Variants in PIWIL3 observed in about 807,000 individuals in gnomAD.
PIWIL3 encodes piwi like RNA-mediated gene silencing 3.
Under a neutral mutation model 109.7 loss-of-function variants are expected in PIWIL3, and 101 were observed. That is an observed-to-expected ratio of 0.92 (90% confidence interval 0.78 to 1.09). The LOEUF is 1.09. Among genes scored for constraint, PIWIL3 ranks in the 50% least tolerant of loss-of-function variants. The probability of loss-of-function intolerance (pLI) is 0.00; values close to 1 mark genes in which losing one functional copy is unlikely to be tolerated. For synonymous variants in PIWIL3, 373 were observed against 376.4 expected, an observed-to-expected ratio of 0.99 and a Z score of 0.10; for missense variants, 1,031 against 1,072.6, an observed-to-expected ratio of 0.96 and a Z score of 0.54.
At chr22:24,767,359 A>G (rs1925853863) in intron 1 of PIWIL3, among the ~76,000 whole-genome samples, 1 of 145,544 alleles carries the variant, frequency 6.9e-6, no homozygotes, top group African/African-American at 2.6e-5. Context: ...AACATGGTGA[A>G]ACCCCGTCTC....
chr22:24,738,550 A>C (rs1322174098), intron 12 of PIWIL3, among the ~76,000 whole-genome samples: 1 of 152,260 alleles, frequency 6.6e-6, no homozygotes, highest in Non-Finnish European at 1.5e-5. Flanking sequence ...TTCAGCACAG[A>C]GACACAGAAA....
intron 12 of PIWIL3, among the ~76,000 whole-genome samples, chr22:24,743,953 C>T (rs1437683897): frequency 6.6e-6 from 1 of 151,706 alleles, no homozygotes; most frequent in Non-Finnish European, 1.5e-5. Context: ...ACAGTATTTG[C>T]AAACCTTATG....
intron 18 of PIWIL3, among the ~76,000 whole-genome samples, chr22:24,724,522 C>A (rs1922874242): frequency 6.6e-6 from 1 of 151,346 alleles, no homozygotes; most frequent in African/African-American, 2.4e-5. Context: ...GCAACCTCTG[C>A]CTCCCGGGTT....
intron 12 of PIWIL3, among the ~76,000 whole-genome samples, chr22:24,737,001 C>T (rs371817437): frequency 1.3e-5 from 2 of 152,294 alleles, no homozygotes; most frequent in South Asian, 4.1e-4. Flanking sequence ...ACAGTTTAGG[C>T]CACAAAGACT....
At chr22:24,745,928 A>G (rs1270210477) in intron 12 of PIWIL3, among the ~76,000 whole-genome samples, 1 of 152,136 alleles carries the variant, frequency 6.6e-6, no homozygotes, top group Non-Finnish European at 1.5e-5. Flanking sequence ...CAAAACCAGA[A>G]CAGACCAATA....
intron 12 of PIWIL3, among the ~76,000 whole-genome samples, chr22:24,739,293 CAA>C (rs1052488929): frequency 5.3e-5 from 8 of 152,064 alleles, no homozygotes; most frequent in African/African-American, 1.9e-4. Flanking sequence ...AAAGTTCACT[CAA>C]AGAGATAGCA....
chr22:24,748,841 T>C (rs1437369859), intron 12 of PIWIL3, 66 bp downstream of exon 12: 1 of 1,254,608 alleles, frequency 8.0e-7, no homozygotes, highest in Non-Finnish European at 1.1e-6. Flanking sequence ...AGACTCAAGT[T>C]AGTTCCTTTT....
At chr22:24,733,795 T>C (rs574073618) in intron 14 of PIWIL3, among the ~76,000 whole-genome samples, 27 of 152,300 alleles carry the variant, frequency 1.8e-4, no homozygotes, top group Admixed American at 8.5e-4. Flanking sequence ...GTAAAAGTAA[T>C]GAATGTGATT....
At chr22:24,755,716 G>A (rs1924983977) in intron 6 of PIWIL3, 68 bp downstream of exon 6, 1 of 1,584,286 alleles carries the variant, frequency 6.3e-7, no homozygotes, top group South Asian at 1.1e-5. Flanking sequence ...GCAAATGGCT[G>A]TATTCCACAC....
At chr22:24,751,281 A>G in intron 9 of PIWIL3, 106 bp downstream of exon 9, 1 of 1,194,786 alleles carries the variant, frequency 8.4e-7, no homozygotes, top group Non-Finnish European at 1.2e-6. Context: ...CTAAAAGGAA[A>G]ATATGTATGT....
intron 14 of PIWIL3, among the ~76,000 whole-genome samples, chr22:24,729,413 G>A (rs1474815290): frequency 6.6e-6 from 1 of 152,134 alleles, no homozygotes; most frequent in Non-Finnish European, 1.5e-5. Flanking sequence ...CACTTGCCGA[G>A]TGGTTCACTT....
intron 13 of PIWIL3, among the ~76,000 whole-genome samples, chr22:24,734,982 C>T (rs1490339075): frequency 6.6e-6 from 1 of 151,730 alleles, no homozygotes; most frequent in Non-Finnish European, 1.5e-5. Context: ...GAGAAGACTA[C>T]ATACTGTATG....
At chr22:24,723,906 G>GAC (rs1905728617) in intron 18 of PIWIL3, among the ~76,000 whole-genome samples, 1 of 152,084 alleles carries the variant, frequency 6.6e-6, no homozygotes, top group African/African-American at 2.4e-5. Context: ...TCAAACTCCT[G>GAC]ACCTCAAGTG....
At chr22:24,773,089 G>A (rs924230428) in intron 1 of PIWIL3, among the ~76,000 whole-genome samples, 1 of 152,190 alleles carries the variant, frequency 6.6e-6, no homozygotes, top group Non-Finnish European at 1.5e-5. Context: ...CAGGACAGTA[G>A]AAAGCTGTGT....
At position 24,719,912 on chromosome 22, in the gene PIWIL3, T is replaced by A; in HGVS notation, c.2358-17A>T. 6.3e-7 allele frequency: 1 copy of A among 1,596,174 alleles called. No homozygotes were observed. Among genetic ancestry groups the A allele is most frequent in the South Asian group, 1.1e-5 (1 of 89,458 alleles). ...AAGTCATACCTGGAAATATAGGACA[T>A]GTGGGTATCAGCTCATTTTAGAAAG... On this transcript the variant is annotated splice_polypyrimidine_tract_variant and intron_variant, in intron 19 of 20. Transcript: ENST00000616349.
intron 7 of PIWIL3, 73 bp downstream of exon 7, chr22:24,754,711 T>G (rs1601844500): frequency 8.0e-7 from 1 of 1,253,120 alleles, no homozygotes; most frequent in Admixed American, 1.8e-5. Context: ...ACTTCAAATA[T>G]GAAATGAATA....
At chr22:24,745,038 A>G (rs1601837401) in intron 12 of PIWIL3, among the ~76,000 whole-genome samples, 1 of 152,228 alleles carries the variant, frequency 6.6e-6, no homozygotes, top group African/African-American at 2.4e-5. Flanking sequence ...CTCTGATCAC[A>G]TGAAACAAAA....
intron 9 of PIWIL3, among the ~76,000 whole-genome samples, chr22:24,750,610 T>C (rs1049104920): frequency 6.7e-6 from 1 of 149,734 alleles, no homozygotes; most frequent in Non-Finnish European, 1.5e-5. Flanking sequence ...TGCTTCAGCC[T>C]CCTGAGTAGC....
Position 24,760,780 on chromosome 22 carries a change from CAAAAAAAAAAAA to C in PIWIL3, c.103-803_103-792del, listed in dbSNP as rs61469163. 6.3e-4 allele frequency among the ~76,000 whole-genome samples: 26 copies of C among 41,030 alleles called. 1 individual carries two copies. Among genetic ancestry groups the C allele is most frequent in the African/African-American group, 2.3e-3 (24 of 10,654 alleles). The allele number at this position is 41,030 out of a possible 152,430, so 26.9% of individuals were successfully genotyped here. On this transcript the variant is annotated intron_variant, in intron 2 of 20. Coordinates refer to ENST00000616349, the MANE Select transcript of PIWIL3 (RefSeq NM_001255975.1). ...GGGCAACAAGAGCGAAACTCTGTCT[CAAAAAAAAAAAA>C]AAAAAAAAAAAGCTGTGACAGGATA...
Sources: allele counts gnomAD v4.1 joint callset (sites outside exome capture counted in the v4.1 genomes callset), GRCh38; gene constraint gnomAD v4.1.1; transcripts MANE v1.5; gene names NCBI Gene and HGNC (gene_info 2026-07-23, HGNC 2026-07-21).